KSR2: variants seen among roughly 807,000 people sequenced by gnomAD.
KSR2 encodes the protein kinase suppressor of ras 2.
Under a neutral mutation model 107.8 loss-of-function variants are expected in KSR2, and 25 were observed. The observed-to-expected ratio is 0.23, with a 90% CI of 0.17 to 0.32. KSR2 has a LOEUF of 0.32. Ranked by LOEUF, KSR2 falls within the 10% of genes least tolerant of loss-of-function variation. The pLI, the probability that KSR2 is intolerant of heterozygous loss-of-function variation, is 1.00. For synonymous variants in KSR2, 480 were observed against 507.0 expected, an observed-to-expected ratio of 0.95 and a Z score of 0.71; for missense variants, 887 against 1,268.9, an observed-to-expected ratio of 0.70 and a Z score of 4.57.
At chr12:117,855,340 C>A in intron 3 of KSR2, 88 bp downstream of exon 3, 1 of 1,560,674 alleles carries the variant, frequency 6.4e-7, no homozygotes, top group Admixed American at 1.7e-5. Flanking sequence ...CTCGTCCTGG[C>A]CTGCAGTGGC....
At chr12:117,687,815 G>C (rs1044004102) in intron 4 of KSR2, among the ~76,000 whole-genome samples, 1 of 151,900 alleles carries the variant, frequency 6.6e-6, no homozygotes, top group Non-Finnish European at 1.5e-5. Flanking sequence ...ACACACGATG[G>C]AAAAAAATAT....
At chr12:117,549,667 G>A (rs1329692849) in intron 9 of KSR2, among the ~76,000 whole-genome samples, 2 of 152,194 alleles carry the variant, frequency 1.3e-5, no homozygotes, top group African/African-American at 4.8e-5. Context: ...GAACAGGAGA[G>A]AGGAATAGAG....
chr12:117,931,379 CT>C (rs1895691096), intron 1 of KSR2, among the ~76,000 whole-genome samples: 2 of 152,128 alleles, frequency 1.3e-5, no homozygotes, highest in Admixed American at 6.6e-5. Context: ...GGGACCAGGG[CT>C]TCAGAGAATG....
chr12:117,627,551 G>A (rs1882588616), intron 5 of KSR2, among the ~76,000 whole-genome samples: 1 of 152,152 alleles, frequency 6.6e-6, no homozygotes, highest in African/African-American at 2.4e-5. Context: ...TGGCTTGTAG[G>A]GTTTCTGCTG....
intron 3 of KSR2, among the ~76,000 whole-genome samples, chr12:117,789,858 A>C (rs953528742): frequency 2.0e-5 from 3 of 152,234 alleles, no homozygotes; most frequent in African/African-American, 7.2e-5. Flanking sequence ...AAAATTAGGT[A>C]AACAGACAAC....
At chr12:117,661,838 G>C (rs936938765) in intron 5 of KSR2, among the ~76,000 whole-genome samples, 1 of 152,212 alleles carries the variant, frequency 6.6e-6, no homozygotes, top group Admixed American at 6.5e-5. Flanking sequence ...AAATAACTAG[G>C]CAGAAGGAGT....
Position 117,832,776 on chromosome 12 carries a change from C to T in KSR2, c.472+22652G>A, listed in dbSNP as rs530766525. ...TCTCACCTTCTGCCTTGGGTCCAACCTACTCCTAGGCTATGAAGCCATCCA... is the reference window on the plus strand; with the variant it reads ...TCTCACCTTCTGCCTTGGGTCCAACTTACTCCTAGGCTATGAAGCCATCCA... On this transcript the variant is annotated intron_variant, in intron 3 of 19. Transcript: ENST00000339824. Among the ~76,000 whole-genome samples the T allele has an allele frequency of 6.6e-5, 10 of 152,348 alleles. No homozygotes were observed. In the East Asian group the frequency reaches 1.4e-3, roughly 21 times the overall value.
Position 117,607,463 on chromosome 12 carries a change from C to T in KSR2, c.1172-25104G>A, listed in dbSNP as rs7297821. Among the ~76,000 whole-genome samples the T allele has an allele frequency of 6.6e-3, 1,009 of 152,234 alleles. 8 individuals carry two copies. The highest frequency in any genetic ancestry group is 0.023 in the African/African-American group (960 of 41,508). ...CCAAACTGGGCAGCCTCCGAACTGC[C>T]GAGTCTGCACTGCCCTCCATCCCAT... On this transcript the variant is annotated intron_variant, in intron 5 of 19. Coordinates refer to ENST00000339824, the MANE Select transcript of KSR2 (RefSeq NM_173598.6).
chr12:117,768,627 T>A (rs1566004485), intron 3 of KSR2, among the ~76,000 whole-genome samples: 1 of 152,128 alleles, frequency 6.6e-6, no homozygotes. Flanking sequence ...GAGCCCAGCC[T>A]GAGGCTCCTG....
chr12:117,470,351 T>A (rs1755249099), intron 18 of KSR2, among the ~76,000 whole-genome samples: 1 of 151,886 alleles, frequency 6.6e-6, no homozygotes, highest in African/African-American at 2.4e-5. Context: ...TCCACCCATC[T>A]ATGTCAATTA....
intron 1 of KSR2, among the ~76,000 whole-genome samples, chr12:117,874,747 G>A (rs1206093241): frequency 6.6e-6 from 1 of 152,046 alleles, no homozygotes; most frequent in African/African-American, 2.4e-5. Flanking sequence ...GCTTCACCCT[G>A]CCAGGCGGCC....
intron 1 of KSR2, among the ~76,000 whole-genome samples, chr12:117,881,955 G>A (rs1478786248): frequency 6.6e-6 from 1 of 152,194 alleles, no homozygotes; most frequent in African/African-American, 2.4e-5. Flanking sequence ...CTCCTATTCA[G>A]GGCTGCTCCA....
intron 3 of KSR2, among the ~76,000 whole-genome samples, chr12:117,823,762 G>A (rs1407017625): frequency 6.6e-6 from 1 of 152,190 alleles, no homozygotes; most frequent in African/African-American, 2.4e-5. Flanking sequence ...TAAGAGAAGA[G>A]AGATGTCTCT....
chr12:117,734,416 G>C (rs1290872233), intron 4 of KSR2, among the ~76,000 whole-genome samples: 1 of 152,084 alleles, frequency 6.6e-6, no homozygotes, highest in African/African-American at 2.4e-5. Flanking sequence ...AATGTCTCCT[G>C]GGGAGCTTCT....
chr12:117,896,679 C>T (rs1208759047), intron 1 of KSR2, among the ~76,000 whole-genome samples: 2 of 152,044 alleles, frequency 1.3e-5, no homozygotes, highest in Admixed American at 1.3e-4. Flanking sequence ...AGGCTGCGCT[C>T]GAACTCCTGA....
intron 5 of KSR2, among the ~76,000 whole-genome samples, chr12:117,643,008 T>A (rs10850876): frequency 0.082 from 12,527 of 152,258 alleles, 556 homozygotes; most frequent in Middle Eastern, 0.13. Context: ...GAAGAGAGGT[T>A]TTATTGCTAA....
intron 1 of KSR2, among the ~76,000 whole-genome samples, chr12:117,924,067 G>A (rs915441923): frequency 4.6e-5 from 7 of 151,188 alleles, no homozygotes; most frequent in Admixed American, 2.0e-4. Context: ...TAGTAGAGAC[G>A]GGGTTTCTCC....
intron 1 of KSR2, among the ~76,000 whole-genome samples, chr12:117,953,473 T>C (rs902086259): frequency 6.6e-6 from 1 of 152,222 alleles, no homozygotes; most frequent in Admixed American, 6.5e-5. Context: ...TGACTATTCA[T>C]ACAATGGACT....
rs185686631 is a variant in KSR2 at position 117,674,265 on chromosome 12, C to A, written c.987-6607G>T. 51 of 505,536 alleles carry A rather than the reference C, an allele frequency of 1.0e-4. No individual in the cohort carries two copies. The East Asian group carries it at 2.3e-3, about 23-fold the overall frequency. 31.3% of individuals were successfully genotyped at this position (505,536 alleles called of 1,614,324 possible). A position where few individuals can be genotyped will look rare whatever the true frequency, so the allele number is the denominator to read the frequency against. On this transcript the variant is annotated intron_variant, in intron 4 of 19. Coordinates refer to ENST00000339824, the MANE Select transcript of KSR2 (RefSeq NM_173598.6). ...TCTAGCCCCAATGTTCTGGTCCAAG[C>A]CACCACCTTCTTCTCACCTGGGCTG...
Sources: gnomAD v4.1 joint callset for allele counts (sites outside exome capture counted in the v4.1 genomes callset) on GRCh38, gnomAD v4.1.1 for gene constraint, MANE v1.5 for transcripts, NCBI Gene and HGNC (gene_info 2026-07-23, HGNC 2026-07-21) for gene names.